PIAS2: variants seen among roughly 807,000 people sequenced by gnomAD.
PIAS2 encodes protein inhibitor of activated STAT 2.
PIAS2 carries 19 observed loss-of-function variants against 69.7 expected under a neutral mutation model. That is an observed-to-expected ratio of 0.27 (90% CI 0.19 to 0.40). PIAS2 has a LOEUF of 0.40. Ranked by LOEUF, PIAS2 falls within the 10% of genes least tolerant of loss-of-function variation. The probability of loss-of-function intolerance (pLI) is 1.00; values close to 1 mark genes in which losing one functional copy is unlikely to be tolerated. For synonymous variants in PIAS2, 261 were observed against 263.2 expected (o/e 0.99, Z 0.08); for missense variants, 624 against 757.0 (o/e 0.82, Z 2.06).
chr18:46,820,957 A>C lies in PIAS2; in HGVS notation c.1624T>G (p.Ser542Ala). 6.2e-7 allele frequency: 1 copy of C among 1,612,720 alleles called. No individual in the cohort carries two copies. Residue 542 changes from serine to alanine, a missense_variant, in exon 12 of 14, where the codon TCA becomes GCA. This residue lies in a region of PIAS2 where 241 missense variants were observed against 257.3 expected (regional missense o/e 0.94). Transcript: ENST00000585916. ...YSVPFHHTPI[S>A]SMSSDLPGLD... is the part of the protein sequence containing the mutation. ...CCTGGCAAATCTGATGACATGCTTG[A>C]TATTGGCGTATGGTGGAATGGTACT... is the stretch of plus-strand genomic sequence containing the variant.
chr18:46,911,432 T>C (rs1056366856), intron 1 of PIAS2, among the ~76,000 whole-genome samples: 1 of 151,846 alleles, frequency 6.6e-6, no homozygotes, highest in Admixed American at 6.6e-5. Context: ...GCCAGGCTGG[T>C]CTCTAACTCC....
chr18:46,879,439 C>T (rs1452616590), intron 2 of PIAS2, among the ~76,000 whole-genome samples: 1 of 152,108 alleles, frequency 6.6e-6, no homozygotes, highest in African/African-American at 2.4e-5. Context: ...GAAACTGGAA[C>T]CCCTGTGCAC....
In PIAS2 at chr18:46,865,522, C is replaced by CAAAAAAAAAA. The variant is rs11321908; in HGVS notation, c.500-1284_500-1275dup. Among the ~76,000 whole-genome samples the CAAAAAAAAAA allele has an allele frequency of 1.8e-5, 2 of 108,260 alleles. 1 individual carries two copies. Among genetic ancestry groups the CAAAAAAAAAA allele is most frequent in the African/African-American group, 6.7e-5 (2 of 29,930 alleles). 71.0% of individuals were successfully genotyped at this position (108,260 alleles called of 152,430 possible). ...ACCAGTGCACTACAGCGATAGTCTT[C>CAAAAAAAAAA]AAAAAAAAAAAAAAAAAAGGCAAAT... On this transcript the variant is annotated intron_variant, in intron 2 of 13. Transcript: ENST00000585916.
At chr18:46,844,156 T>A (rs183189556) in intron 7 of PIAS2, 29 bp from the exon 8 acceptor site, 26,696 of 1,178,142 alleles carry the variant, frequency 0.023, 536 homozygotes, top group Non-Finnish European at 0.023. Flanking sequence ...AAAAAAAATT[T>A]AAAAAAATTA....
At chr18:46,815,626 C>A in intron 12 of PIAS2, 1 of 1,085,926 alleles carries the variant, frequency 9.2e-7, no homozygotes. Flanking sequence ...CAAATATTTC[C>A]CCCTTTGCCG....
Position 46,842,499 on chromosome 18 carries a change from C to T in PIAS2, c.1041+1555G>A, listed in dbSNP as rs141184769. On this transcript the variant is annotated intron_variant, in intron 8 of 13. Coordinates refer to ENST00000585916, the MANE Select transcript of PIAS2 (RefSeq NM_004671.5). Reference sequence around the variant, plus strand: ...TGACATCTAAAACATAATGGTGACACGAGTTTCCTCCCCATATGGTGACTG... The same window carrying T: ...TGACATCTAAAACATAATGGTGACATGAGTTTCCTCCCCATATGGTGACTG... Among the ~76,000 whole-genome samples, 232 of 152,212 alleles carry T rather than the reference C, an allele frequency of 1.5e-3. 4 individuals are homozygous for T. The South Asian group carries it at 0.043, about 28-fold the overall frequency.
At chr18:46,902,140 TAA>T (rs974101601) in intron 1 of PIAS2, among the ~76,000 whole-genome samples, 8 of 148,250 alleles carry the variant, frequency 5.4e-5, no homozygotes, top group Non-Finnish European at 1.2e-4. Context: ...GAAAACAAGT[TAA>T]AAACATCACC....
At chr18:46,839,940 A>G (rs964829619) in intron 8 of PIAS2, among the ~76,000 whole-genome samples, 1 of 152,006 alleles carries the variant, frequency 6.6e-6, no homozygotes, top group Non-Finnish European at 1.5e-5. Flanking sequence ...AGGCGGGGGA[A>G]TCACGAGGTC....
chr18:46,846,923 G>T, intron 5 of PIAS2, 82 bp from the exon 6 acceptor site: 1 of 1,206,304 alleles, frequency 8.3e-7, no homozygotes, highest in Non-Finnish European at 1.1e-6. Context: ...ACAGGATCCT[G>T]CCCAATTTCA....
Position 46,811,498 on chromosome 18 carries a change from G to A in PIAS2, c.*935C>T, listed in dbSNP as rs1340811853. 1 of 152,096 alleles carries A rather than the reference G, an allele frequency of 6.6e-6. No homozygotes were observed. Among genetic ancestry groups the A allele is most frequent in the African/African-American group, 2.4e-5 (1 of 41,400 alleles). 9.4% of individuals were successfully genotyped at this position (152,096 alleles called of 1,614,324 possible). ...TTGTTATTACCACCTCCCAAAATCT[G>A]CTCTTCTGCTGGCTCCAAGATATCA... is the stretch of plus-strand genomic sequence containing the variant. On this transcript the variant is annotated 3_prime_UTR_variant, in exon 14 of 14. Transcript: ENST00000585916.
At chr18:46,896,779 T>A (rs1012284771) in intron 1 of PIAS2, among the ~76,000 whole-genome samples, 1 of 152,202 alleles carries the variant, frequency 6.6e-6, no homozygotes, top group Non-Finnish European at 1.5e-5. Context: ...CACATCAATG[T>A]TTCCTGTGAG....
In PIAS2 at chr18:46,803,792, A is replaced by G. The variant is rs1031653400; in HGVS notation, c.*8641T>C. On this transcript the variant is annotated 3_prime_UTR_variant, in exon 14 of 14. Transcript: ENST00000585916. ...AGTAGATCATATGAAGAATTTCTCC[A>G]GCCTTTTATACACAGTAGGGTGGGT... The G allele has an allele frequency of 3.9e-5, 6 of 152,216 alleles. No individual in the cohort carries two copies. The highest frequency in any genetic ancestry group is 7.3e-5 in the Non-Finnish European group (5 of 68,032). The allele number at this position is 152,216 out of a possible 1,614,324, so 9.4% of individuals were successfully genotyped here. A position where few individuals can be genotyped will look rare whatever the true frequency, so the allele number is the denominator to read the frequency against.
chr18:46,896,165 C>CAA (rs1199712335), intron 1 of PIAS2, among the ~76,000 whole-genome samples: 26 of 31,920 alleles, frequency 8.1e-4, no homozygotes, highest in African/African-American at 1.7e-3. Context: ...AAGAAAAAAG[C>CAA]AAAAAAAAAA....
rs2040561393 is a variant in PIAS2, at chr18:46,803,527, T to C, written c.*8906A>G. 6.6e-6 allele frequency: 1 copy of C among 152,196 alleles called. No homozygotes were observed. Among genetic ancestry groups the C allele is most frequent in the Admixed American group, 6.5e-5 (1 of 15,286 alleles). The allele number at this position is 152,196 out of a possible 1,614,324, so 9.4% of individuals were successfully genotyped here. A position where few individuals can be genotyped will look rare whatever the true frequency, so the allele number is the denominator to read the frequency against. Reference sequence around the variant, plus strand: ...GATGAGTTCATCCACTTTCATAGTTTCAGTGCTACTACCCATCAATTGGTA... The same window carrying C: ...GATGAGTTCATCCACTTTCATAGTTCCAGTGCTACTACCCATCAATTGGTA... On this transcript the variant is annotated 3_prime_UTR_variant, in exon 14 of 14. Coordinates refer to ENST00000585916, the MANE Select transcript of PIAS2 (RefSeq NM_004671.5).
At chr18:46,911,573 A>G (rs529658911) in intron 1 of PIAS2, among the ~76,000 whole-genome samples, 2 of 152,258 alleles carry the variant, frequency 1.3e-5, no homozygotes, top group Non-Finnish European at 2.9e-5. Flanking sequence ...AAGTTTCTCT[A>G]TGGCTCCACA....
chr18:46,823,235 A>T (rs922065717), intron 11 of PIAS2, among the ~76,000 whole-genome samples: 8 of 152,082 alleles, frequency 5.3e-5, no homozygotes, highest in Non-Finnish European at 7.4e-5. Flanking sequence ...CTCGTCTCAA[A>T]AAAAAGTACA....
rs2040849551 is a variant in PIAS2, at chr18:46,809,087, A to G, written c.*3346T>C. 1 of 152,170 alleles carries G rather than the reference A, an allele frequency of 6.6e-6. No homozygotes were observed. Among genetic ancestry groups the G allele is most frequent in the South Asian group, 2.1e-4 (1 of 4,828 alleles). The allele number at this position is 152,170 out of a possible 1,614,324, so 9.4% of individuals were successfully genotyped here. ...TCAATCCTACTTTGCTTAAAATCCA[A>G]CATTTTACCTTTCTTCAAATTCCTC... On this transcript the variant is annotated 3_prime_UTR_variant, in exon 14 of 14. Transcript: ENST00000585916.
chr18:46,827,923 G>A, intron 11 of PIAS2, 36 bp downstream of exon 11: 10 of 1,568,506 alleles, frequency 6.4e-6, no homozygotes, highest in Non-Finnish European at 8.7e-6. Flanking sequence ...TTAGTTGCAA[G>A]GGTAATGAAC....
intron 3 of PIAS2, among the ~76,000 whole-genome samples, chr18:46,857,285 C>T (rs763181505): frequency 6.6e-5 from 10 of 152,184 alleles, no homozygotes; most frequent in South Asian, 2.1e-4. Context: ...ACAAATACAA[C>T]ACAGTATTTG....
Sources: gnomAD v4.1 joint callset for allele counts (sites outside exome capture counted in the v4.1 genomes callset) on GRCh38, gnomAD v4.1.1 for gene constraint, gnomAD v4.1.1 regional missense constraint, MANE v1.5 for transcripts, NCBI Gene and HGNC (gene_info 2026-07-23, HGNC 2026-07-21) for gene names.